Variants in NME7 observed in about 807,000 individuals in gnomAD.
NME7 encodes nucleoside diphosphate kinase 7.
NME7 carries 41 observed loss-of-function variants against 49.1 expected under a neutral mutation model. The observed-to-expected ratio is 0.83, with a 90% CI of 0.65 to 1.08. NME7 has a LOEUF of 1.08. Among genes scored for constraint, NME7 ranks in the 50% least tolerant of loss-of-function variants. The pLI is 0.00. For missense variants in NME7, 423 were observed against 463.4 expected, an observed-to-expected ratio of 0.91 and a Z score of 0.80; for synonymous variants, 139 against 150.6, an observed-to-expected ratio of 0.92 and a Z score of 0.56.
intron 7 of NME7, among the ~76,000 whole-genome samples, chr1:169,256,502 G>A (rs1166739230): frequency 1.5e-5 from 2 of 132,824 alleles, no homozygotes; most frequent in East Asian, 4.0e-4. Context: ...CTTTGCCTTT[G>A]GTTTGAATGC....
At chr1:169,307,803 T>C (rs1360672638) in intron 4 of NME7, among the ~76,000 whole-genome samples, 1 of 152,156 alleles carries the variant, frequency 6.6e-6, no homozygotes, top group East Asian at 1.9e-4. Context: ...GTGAATCATT[T>C]GAGGTCAGGA....
intron 1 of NME7, among the ~76,000 whole-genome samples, chr1:169,355,142 A>G (rs1343161739): frequency 9.1e-4 from 38 of 41,938 alleles, no homozygotes; most frequent in Non-Finnish European, 1.3e-3. Context: ...GATATAATAT[A>G]TAATATACTA....
At chr1:169,253,366 C>G (rs1464074829) in intron 7 of NME7, among the ~76,000 whole-genome samples, 1 of 150,870 alleles carries the variant, frequency 6.6e-6, no homozygotes, top group Non-Finnish European at 1.5e-5. Context: ...CTCTGTTTGT[C>G]TGTTATTGGT....
intron 5 of NME7, among the ~76,000 whole-genome samples, chr1:169,301,707 GTA>G (rs3060581): frequency 6.6e-6 from 1 of 151,480 alleles, no homozygotes; most frequent in East Asian, 1.9e-4. Context: ...AGAAAATGTG[GTA>G]TATATATATA....
At chr1:169,196,914 T>C (rs968260425) in intron 10 of NME7, among the ~76,000 whole-genome samples, 13 of 152,194 alleles carry the variant, frequency 8.5e-5, no homozygotes, top group African/African-American at 3.1e-4. Context: ...ATATACTTGT[T>C]ATAATTAGAG....
intron 10 of NME7, among the ~76,000 whole-genome samples, chr1:169,219,709 T>C (rs1332037759): frequency 2.0e-5 from 3 of 152,166 alleles, no homozygotes; most frequent in African/African-American, 4.8e-5. Flanking sequence ...CTACAATACA[T>C]TATTGCAATT....
chr1:169,296,525 C>T (rs116889776), intron 6 of NME7, among the ~76,000 whole-genome samples: 1 of 147,852 alleles, frequency 6.8e-6, no homozygotes, highest in East Asian at 1.9e-4. Flanking sequence ...TCTATCTATA[C>T]CTTCTCCTTG....
chr1:169,240,639 T>C (rs1380231924), intron 7 of NME7, among the ~76,000 whole-genome samples: 1 of 152,058 alleles, frequency 6.6e-6, no homozygotes, highest in Non-Finnish European at 1.5e-5. Context: ...TCAGACATGA[T>C]TTTTAATATC....
intron 11 of NME7, 93 bp from the exon 12 acceptor site, chr1:169,132,910 C>T: frequency 1.2e-6 from 1 of 824,102 alleles, no homozygotes; most frequent in Non-Finnish European, 2.0e-6. Flanking sequence ...ACTTCAGACA[C>T]TGGCATACCC....
intron 10 of NME7, among the ~76,000 whole-genome samples, chr1:169,219,390 G>C (rs1229751236): frequency 6.6e-6 from 1 of 152,174 alleles, no homozygotes; most frequent in Non-Finnish European, 1.5e-5. Context: ...AGTAGTAATA[G>C]TAATCTGGAT....
chr1:169,198,873 C>T (rs1660464210), intron 10 of NME7, among the ~76,000 whole-genome samples: 1 of 152,110 alleles, frequency 6.6e-6, no homozygotes, highest in Non-Finnish European at 1.5e-5. Context: ...TTAAAAATCA[C>T]ATGTATAGAC....
At chr1:169,254,956 C>G (rs1384677561) in intron 7 of NME7, among the ~76,000 whole-genome samples, 1 of 133,232 alleles carries the variant, frequency 7.5e-6, no homozygotes, top group African/African-American at 2.6e-5. Context: ...TGTTCTTTTA[C>G]ATTTGCTGAG....
intron 10 of NME7, among the ~76,000 whole-genome samples, chr1:169,199,400 T>A (rs184042718): frequency 7.3e-5 from 11 of 150,670 alleles, no homozygotes; most frequent in African/African-American, 2.4e-4. Context: ...AGCTACTGAG[T>A]GGTGGAGGTA....
intron 10 of NME7, among the ~76,000 whole-genome samples, chr1:169,196,420 T>C (rs1660381170): frequency 6.6e-6 from 1 of 152,176 alleles, no homozygotes; most frequent in Admixed American, 6.6e-5. Context: ...TCATTTGTTG[T>C]CTGTCTTTCT....
At chr1:169,279,710 G>A (rs1571350605) in intron 7 of NME7, among the ~76,000 whole-genome samples, 1 of 152,010 alleles carries the variant, frequency 6.6e-6, no homozygotes, top group South Asian at 2.1e-4. Flanking sequence ...TGCGCCCACT[G>A]TCTGGCACTC....
intron 10 of NME7, among the ~76,000 whole-genome samples, chr1:169,209,223 A>C (rs549644407): frequency 1.3e-3 from 199 of 152,122 alleles, no homozygotes; most frequent in Non-Finnish European, 2.3e-3. Flanking sequence ...ATTTACTAAA[A>C]CCTAATAGAT....
intron 6 of NME7, among the ~76,000 whole-genome samples, chr1:169,289,594 T>C (rs903766676): frequency 1.3e-5 from 2 of 152,118 alleles, no homozygotes; most frequent in Non-Finnish European, 1.5e-5. Flanking sequence ...AAAGCAGTGA[T>C]AAATTGTTCT....
At chr1:169,310,106 G>T in intron 3 of NME7, 26 bp from the exon 4 acceptor site, 1 of 1,420,946 alleles carries the variant, frequency 7.0e-7, no homozygotes, top group Non-Finnish European at 9.8e-7. Flanking sequence ...AAATAAGTTT[G>T]CAAATAAAAA....
In NME7 at chr1:169,200,445, T is replaced by C. The variant is rs572278292; in HGVS notation, c.990+30273A>G. On this transcript the variant is annotated intron_variant, in intron 10 of 11. Transcript: ENST00000367811. ...ATCTTTTTATTCTGATGTTTTAACA[T>C]CTGGGGCCTTATTGACCCTGAGGAG... 7.9e-5 allele frequency among the ~76,000 whole-genome samples: 12 copies of C among 152,228 alleles called. No homozygotes were observed. The East Asian group carries it at 2.1e-3, about 27-fold the overall frequency.
Sources: allele counts gnomAD v4.1 joint callset (sites outside exome capture counted in the v4.1 genomes callset), GRCh38; gene constraint gnomAD v4.1.1; transcripts MANE v1.5; gene names NCBI Gene and HGNC (gene_info 2026-07-23, HGNC 2026-07-21).